NOL10: variants seen among roughly 807,000 people sequenced by gnomAD.
The protein encoded by NOL10 is H_NH0074G24.1.
A neutral mutation model predicts 103.5 loss-of-function variants in NOL10; 58 were observed. The observed-to-expected ratio is 0.56, with a 90% CI of 0.45 to 0.70. NOL10 has a LOEUF of 0.70. Among genes scored for constraint, NOL10 ranks in the 30% least tolerant of loss-of-function variants. The probability of loss-of-function intolerance (pLI) is 0.00; values close to 1 mark genes in which losing one functional copy is unlikely to be tolerated. For missense variants in NOL10, 763 were observed against 807.3 expected, an observed-to-expected ratio of 0.95 and a Z score of 0.67; for synonymous variants, 287 against 282.5, an observed-to-expected ratio of 1.02 and a Z score of -0.16.
At chr2:10,668,585 T>C (rs975024636) in intron 7 of NOL10, 73 bp downstream of exon 7, 12 of 714,986 alleles carry the variant, frequency 1.7e-5, no homozygotes, top group Middle Eastern at 2.6e-4. Flanking sequence ...TTTATGTTAC[T>C]TGTTAACAAA....
At chr2:10,621,124 G>A (rs999931558) in intron 13 of NOL10, among the ~76,000 whole-genome samples, 1 of 151,988 alleles carries the variant, frequency 6.6e-6, no homozygotes, top group Non-Finnish European at 1.5e-5. Flanking sequence ...GAAGTTTTAG[G>A]ATAGATCCAA....
intron 13 of NOL10, among the ~76,000 whole-genome samples, chr2:10,609,964 C>T (rs728283): frequency 0.59 from 89,966 of 152,002 alleles, 27,641 homozygotes; most frequent in African/African-American, 0.74. Context: ...TATTCATGTA[C>T]AAAACACATA....
chr2:10,599,023 C>G (rs1253762646), intron 17 of NOL10, among the ~76,000 whole-genome samples: 1 of 152,162 alleles, frequency 6.6e-6, no homozygotes, highest in African/African-American at 2.4e-5. Flanking sequence ...CCATCCTGCA[C>G]TATGGGGTAT....
intron 6 of NOL10, among the ~76,000 whole-genome samples, chr2:10,669,887 T>C (rs1189388610): frequency 2.7e-5 from 4 of 150,112 alleles, no homozygotes; most frequent in African/African-American, 5.0e-5. Flanking sequence ...CGAGACTCCA[T>C]CTCAAATAAT....
intron 1 of NOL10, among the ~76,000 whole-genome samples, chr2:10,686,231 A>G (rs2148372865): frequency 6.6e-6 from 1 of 152,302 alleles, no homozygotes; most frequent in Non-Finnish European, 1.5e-5. Flanking sequence ...GAGAATTATA[A>G]TTTTGAATAA....
intron 13 of NOL10, among the ~76,000 whole-genome samples, chr2:10,643,153 G>A (rs1195129487): frequency 6.6e-6 from 1 of 152,178 alleles, no homozygotes; most frequent in Non-Finnish European, 1.5e-5. Context: ...TGTTTGAACG[G>A]CCTTCATTTC....
At chr2:10,657,978 G>T in intron 10 of NOL10, 87 bp from the exon 11 acceptor site, 1 of 1,014,810 alleles carries the variant, frequency 9.9e-7, no homozygotes, top group Non-Finnish European at 1.4e-6. Context: ...GCAGCCATTT[G>T]CTTCATCGCT....
intron 10 of NOL10, among the ~76,000 whole-genome samples, chr2:10,658,668 G>A (rs1679998823): frequency 6.6e-6 from 1 of 152,096 alleles, no homozygotes; most frequent in African/African-American, 2.4e-5. Context: ...CATTAAAACA[G>A]TATTGAAACC....
In NOL10 at chr2:10,577,653, T is replaced by C; in HGVS notation, c.1930A>G (p.Thr644Ala). 3.7e-6 allele frequency: 6 copies of C among 1,610,552 alleles called. No individual in the cohort carries two copies. The highest frequency in any genetic ancestry group is 5.1e-6 in the Non-Finnish European group (6 of 1,178,090). Residue 644 changes from threonine (T) to alanine (A), a missense_variant, in exon 20 of 21, where the codon ACA becomes GCA. Transcript: ENST00000381685. ...SDTTVGSKQLTFTLKRSEQQK... is the reference protein window; with the variant it reads ...SDTTVGSKQLAFTLKRSEQQK... ...CAACTCACCCTCTTTAACGTGAATGTCAATTGTTTGCTGCCAACGGTGGTG... is the reference window on the plus strand; with the variant it reads ...CAACTCACCCTCTTTAACGTGAATGCCAATTGTTTGCTGCCAACGGTGGTG...
chr2:10,663,440 C>T (rs1680344917), intron 8 of NOL10, among the ~76,000 whole-genome samples: 1 of 150,578 alleles, frequency 6.6e-6, no homozygotes, highest in Admixed American at 6.6e-5. Flanking sequence ...TTGTTTATTT[C>T]ATAGAAAAAG....
chr2:10,615,013 G>A (rs544424871), intron 13 of NOL10, among the ~76,000 whole-genome samples: 24 of 152,348 alleles, frequency 1.6e-4, no homozygotes, highest in African/African-American at 5.8e-4. Flanking sequence ...TCTGACAGCT[G>A]AGGCTTAATA....
At chr2:10,602,424 C>T (rs6749287) in intron 16 of NOL10, among the ~76,000 whole-genome samples, 2,199 of 152,254 alleles carry the variant, frequency 0.014, 67 homozygotes, top group African/African-American at 0.05. Flanking sequence ...TAAGATACGG[C>T]CAAAGGTCAG....
chr2:10,673,971 CA>C (rs1414600011), intron 4 of NOL10, among the ~76,000 whole-genome samples: 1 of 151,488 alleles, frequency 6.6e-6, no homozygotes, highest in African/African-American at 2.4e-5. Flanking sequence ...GAAAAATAGC[CA>C]TTATTAGTGG....
chr2:10,655,721 G>A (rs1679803184), intron 11 of NOL10, among the ~76,000 whole-genome samples: 1 of 152,204 alleles, frequency 6.6e-6, no homozygotes, highest in Admixed American at 6.5e-5. Flanking sequence ...CAATTACAGT[G>A]TGATGATTTC....
At chr2:10,680,334 GAGAAGA>G (rs1681661883) in intron 3 of NOL10, among the ~76,000 whole-genome samples, 1 of 110,110 alleles carries the variant, frequency 9.1e-6, no homozygotes, top group Non-Finnish European at 1.7e-5. Context: ...GAGGGAGAGG[GAGAAGA>G]GGGAGAGGGA....
intron 20 of NOL10, among the ~76,000 whole-genome samples, chr2:10,576,789 T>C (rs1220942391): frequency 1.3e-5 from 2 of 152,176 alleles, no homozygotes; most frequent in African/African-American, 4.8e-5. Flanking sequence ...TTACACAGTG[T>C]GATGGTTGCC....
intron 12 of NOL10, 70 bp from the exon 13 acceptor site, chr2:10,644,442 A>C: frequency 8.8e-7 from 1 of 1,133,402 alleles, no homozygotes. Context: ...TTTGCTTTCC[A>C]TTCTGAAATG....
Position 10,589,027 on chromosome 2 carries a change from A to T in NOL10, c.1844+16T>A, listed in dbSNP as rs774316066. The stretch of plus-strand genomic sequence containing the variant: ...TTGGTTACATGTCAACTGTGCGCTC[A>T]GGCAGTGCTACTCACTTCATCAGTT... On this transcript the variant is annotated intron_variant, in intron 19 of 20. Transcript: ENST00000381685. 1.9e-6 allele frequency: 3 copies of T among 1,612,584 alleles called. No homozygotes were observed. The highest frequency in any genetic ancestry group is 1.1e-5 in the South Asian group (1 of 90,984).
chr2:10,659,062 G>A, intron 10 of NOL10, 110 bp downstream of exon 10: 1 of 765,706 alleles, frequency 1.3e-6, no homozygotes, highest in Non-Finnish European at 2.2e-6. Context: ...CTCTGGTCTG[G>A]CTAAAATAGT....
Sources: allele counts gnomAD v4.1 joint callset (sites outside exome capture counted in the v4.1 genomes callset), GRCh38; gene constraint gnomAD v4.1.1; transcripts MANE v1.5; gene names NCBI Gene and HGNC (gene_info 2026-07-23, HGNC 2026-07-21).